The following ZC3H12B variants were observed in gnomAD, a reference collection of about 807,000 sequenced individuals.
ZC3H12B encodes probable ribonuclease ZC3H12B.
ZC3H12B carries 7 observed loss-of-function variants against 43.9 expected under a neutral mutation model. The ratio of observed to expected loss-of-function variants is 0.16; its 90% CI spans 0.09 to 0.30. The LOEUF is 0.30. Ranked by LOEUF, ZC3H12B falls within the 10% of genes least tolerant of loss-of-function variation. ZC3H12B has a pLI of 1.00. For synonymous variants in ZC3H12B, 222 were observed against 241.7 expected, an observed-to-expected ratio of 0.92 and a Z score of 0.76; for missense variants, 475 against 670.2, an observed-to-expected ratio of 0.71 and a Z score of 3.22.
At chrX:65,380,908 C>A (rs901644318) in intron 2 of ZC3H12B, among the ~76,000 whole-genome samples, 44 of 111,818 alleles carry the variant, frequency 3.9e-4, no homozygotes, top group Admixed American at 2.5e-3. Context: ...AGCTAACTAT[C>A]CTAAATATAT....
chrX:65,502,233 G>T, exon 5 of ZC3H12B: 1 of 1,211,542 alleles, frequency 8.3e-7, no homozygotes, highest in South Asian at 1.8e-5. Context: ...CATATGGCCA[G>T]CATGCAGTAT....
intron 3 of ZC3H12B, among the ~76,000 whole-genome samples, chrX:65,433,433 A>T (rs1284180456): frequency 8.9e-6 from 1 of 111,870 alleles, no homozygotes; most frequent in Non-Finnish European, 1.9e-5. Flanking sequence ...TTCACTTCAC[A>T]GGTTAGAGAA....
upstream of ZC3H12B, among the ~76,000 whole-genome samples, chrX:65,361,816 G>T (rs1371351942): frequency 1.8e-5 from 2 of 111,083 alleles, no homozygotes; most frequent in Non-Finnish European, 3.8e-5. Context: ...TCGCCTTCAA[G>T]GTGTACAATA....
At chrX:65,111,162 A>G in the ZC3H12B span, among the ~76,000 whole-genome samples, 2 of 111,159 alleles carry the variant, frequency 1.8e-5, no homozygotes, top group African/African-American at 6.5e-5. Context: ...TAGACGGTAT[A>G]TCATCTGCTA....
the ZC3H12B span, among the ~76,000 whole-genome samples, chrX:65,043,384 C>A: frequency 1.8e-5 from 2 of 110,629 alleles, no homozygotes; most frequent in Non-Finnish European, 3.8e-5. Flanking sequence ...ATTATCTACC[C>A]TCCTCATTTT....
At chrX:65,036,719 T>C in the ZC3H12B span, among the ~76,000 whole-genome samples, 1 of 110,911 alleles carries the variant, frequency 9.0e-6, no homozygotes, top group African/African-American at 3.3e-5. Context: ...TTTTTTTTGT[T>C]TTGGAAAAGC....
chrX:65,066,994 C>G, the ZC3H12B span, among the ~76,000 whole-genome samples: 4 of 111,446 alleles, frequency 3.6e-5, no homozygotes, highest in Non-Finnish European at 5.6e-5. Flanking sequence ...CTCGCCCAAC[C>G]AAGCTCGATT....
the ZC3H12B span, among the ~76,000 whole-genome samples, chrX:65,122,552 T>C: frequency 2.7e-5 from 3 of 111,337 alleles, no homozygotes; most frequent in African/African-American, 9.8e-5. Context: ...CTTAAATGTA[T>C]ATGGACTAAG....
At chrX:65,338,757 A>G in the ZC3H12B span, among the ~76,000 whole-genome samples, 1 of 112,337 alleles carries the variant, frequency 8.9e-6, no homozygotes, top group African/African-American at 3.2e-5. Flanking sequence ...AACTAATAAC[A>G]AAAACCATAA....
chrX:65,450,839 A>ATG (rs1413081661), intron 3 of ZC3H12B, among the ~76,000 whole-genome samples: 7 of 85,205 alleles, frequency 8.2e-5, no homozygotes, highest in Non-Finnish European at 1.6e-4. Flanking sequence ...ATGTGTATAT[A>ATG]TGTATATATA....
the ZC3H12B span, among the ~76,000 whole-genome samples, chrX:65,171,146 G>T: frequency 1.8e-5 from 2 of 111,120 alleles, no homozygotes; most frequent in African/African-American, 3.3e-5. Context: ...CAGCTTTTCT[G>T]CTTGGTTTCT....
the ZC3H12B span, among the ~76,000 whole-genome samples, chrX:65,102,957 A>T: frequency 1.8e-5 from 2 of 111,404 alleles, no homozygotes; most frequent in Admixed American, 1.9e-4. Flanking sequence ...AAAATATCAC[A>T]AGGCAGATGG....
the ZC3H12B span, among the ~76,000 whole-genome samples, chrX:65,315,681 C>T: frequency 8.9e-6 from 1 of 111,740 alleles, no homozygotes; most frequent in Non-Finnish European, 1.9e-5. Context: ...AGGAGAGCAT[C>T]GTCAAAGATT....
At chrX:65,409,659 A>G (rs1308180791) in intron 3 of ZC3H12B, among the ~76,000 whole-genome samples, 2 of 110,655 alleles carry the variant, frequency 1.8e-5, no homozygotes, top group East Asian at 2.8e-4. Flanking sequence ...AAAAAAATCA[A>G]TTGCATTTCT....
At chrX:65,237,514 G>A in the ZC3H12B span, among the ~76,000 whole-genome samples, 1 of 109,769 alleles carries the variant, frequency 9.1e-6, no homozygotes, top group East Asian at 2.8e-4. Context: ...TGCAAACAGG[G>A]ATAGTTTGAC....
the ZC3H12B span, among the ~76,000 whole-genome samples, chrX:65,353,411 G>A: frequency 1.3e-4 from 14 of 111,519 alleles, no homozygotes; most frequent in African/African-American, 4.2e-4. Context: ...GTGAAAGGAA[G>A]AGTCAGTCGC....
At chrX:65,248,949 T>C in the ZC3H12B span, among the ~76,000 whole-genome samples, 66 of 111,856 alleles carry the variant, frequency 5.9e-4, no homozygotes, top group African/African-American at 2.1e-3. Flanking sequence ...CTTGTTGATT[T>C]GTTTGATTTC....
the ZC3H12B span, among the ~76,000 whole-genome samples, chrX:65,207,571 A>G: frequency 2.7e-5 from 3 of 110,606 alleles, no homozygotes; most frequent in African/African-American, 9.9e-5. Flanking sequence ...AAAATCTTAG[A>G]AATTAACCAC....
At chrX:65,139,272 G>GTGAA in the ZC3H12B span, among the ~76,000 whole-genome samples, 2 of 112,117 alleles carry the variant, frequency 1.8e-5, no homozygotes, top group East Asian at 2.8e-4. Flanking sequence ...TTCATATTGT[G>GTGAA]TGAAATAAGA....
Sources: allele counts gnomAD v4.1 joint callset (sites outside exome capture counted in the v4.1 genomes callset), GRCh38; gene constraint gnomAD v4.1.1; transcripts MANE v1.5; gene names NCBI Gene and HGNC (gene_info 2026-07-23, HGNC 2026-07-21).